The following PP2D1 variants were observed in gnomAD, a reference collection of about 807,000 sequenced individuals.
The protein encoded by PP2D1 is protein phosphatase 2C like domain containing 1, also known as protein phosphatase 2C-like domain-containing protein 1.
A neutral mutation model predicts 30.2 loss-of-function variants in PP2D1; 25 were observed. The ratio of observed to expected loss-of-function variants is 0.83; its 90% CI spans 0.60 to 1.16. PP2D1 has a LOEUF of 1.16. Ranked by LOEUF, PP2D1 falls within the 50% of genes most tolerant of loss-of-function variation. PP2D1 has a pLI of 0.00. For synonymous variants in PP2D1, 260 were observed against 258.9 expected (o/e 1.00, Z -0.04); for missense variants, 760 against 742.4 (o/e 1.02, Z -0.28).
downstream of PP2D1, among the ~76,000 whole-genome samples, chr3:19,983,367 GT>G (rs1553640240): frequency 7.3e-6 from 1 of 136,368 alleles, no homozygotes; most frequent in Non-Finnish European, 1.6e-5. Flanking sequence ...AAAAAAAGAA[GT>G]AATAATGAGT....
chr3:19,991,024 T>A lies in PP2D1; in HGVS notation c.1091-4842A>T, dbSNP rs1575084061. Among the ~76,000 whole-genome samples, 4 of 152,324 alleles carry A rather than the reference T, an allele frequency of 2.6e-5. No homozygotes were observed. The South Asian group carries it at 8.3e-4, about 32-fold the overall frequency. The stretch of plus-strand genomic sequence containing the variant: ...TGAAGACCACTACACAATTTTAATC[T>A]AAGCATAAATGAATTCCTAGACAAA... On this transcript the variant is annotated intron_variant, in intron 2 of 2. Transcript: ENST00000389050.
chr3:19,995,468 G>T (rs1051371269), intron 2 of PP2D1, among the ~76,000 whole-genome samples: 9 of 152,128 alleles, frequency 5.9e-5, no homozygotes, highest in Non-Finnish European at 1.5e-5. Flanking sequence ...CCTAGAAGAG[G>T]CATGGCCCTG....
chr3:20,009,887 C>G (rs769539454), intron 1 of PP2D1, among the ~76,000 whole-genome samples: 2 of 152,184 alleles, frequency 1.3e-5, no homozygotes, highest in Non-Finnish European at 2.9e-5. Context: ...TTACAAATGT[C>G]CACGTTATAA....
downstream of PP2D1, among the ~76,000 whole-genome samples, chr3:19,981,334 C>T (rs4618239): frequency 0.16 from 24,886 of 152,032 alleles, 2,683 homozygotes; most frequent in Non-Finnish European, 0.24. Flanking sequence ...TCAGGCTGGG[C>T]GCAGTGGCTC....
At position 19,986,312 on chromosome 3, in the gene PP2D1, T is replaced by C. The variant is rs981075846; in HGVS notation, c.1091-130A>G. 1.9e-5 allele frequency: 12 copies of C among 645,254 alleles called. No individual in the cohort carries two copies. In the African/African-American group the frequency reaches 2.0e-4, roughly 11 times the overall value. The allele number at this position is 645,254 out of a possible 1,614,324, so 40.0% of individuals were successfully genotyped here. ...GAAAGCAGGCTATGTAAAAGTACGT[T>C]TAAATATGTGTAATATATCACTACT... On this transcript the variant is annotated intron_variant, in intron 2 of 2. Transcript: ENST00000389050.
At chr3:19,981,742 T>C (rs202029197), downstream of PP2D1, among the ~76,000 whole-genome samples, 34 of 152,146 alleles carry the variant, frequency 2.2e-4, no homozygotes, top group East Asian at 6.4e-3. Flanking sequence ...GGAAGCACAC[T>C]CCAGAGAACA....
Position 19,985,889 on chromosome 3 carries a change from C to G in PP2D1, c.1384G>C (p.Asp462His). ...GCCAGGGCAGTAACTTCCTCTTTAT[C>G]CAAAACTTCCCAAAGTCCATTAGTA... ...VATNGLWEVL[D>H]KEEVTALAMT... Residue 462 changes from aspartate to histidine, a missense_variant, in exon 3 of 3, where the codon GAT becomes CAT. By Grantham distance (81) the Asp-to-His change is moderately conservative. Coordinates refer to ENST00000389050, the MANE Select transcript of PP2D1 (RefSeq NM_001252657.2). 6.5e-7 allele frequency: 1 copy of G among 1,536,384 alleles called. No homozygotes were observed. Among genetic ancestry groups the G allele is most frequent in the Non-Finnish European group, 8.7e-7 (1 of 1,146,944 alleles).
intron 1 of PP2D1, among the ~76,000 whole-genome samples, chr3:20,006,852 C>T (rs1180669777): frequency 6.6e-6 from 1 of 151,934 alleles, no homozygotes; most frequent in Non-Finnish European, 1.5e-5. Flanking sequence ...TCTGGGCTCA[C>T]TGCAACCTCT....
intron 2 of PP2D1, among the ~76,000 whole-genome samples, chr3:19,994,458 C>T (rs182730012): frequency 6.6e-6 from 1 of 152,178 alleles, no homozygotes; most frequent in African/African-American, 2.4e-5. Flanking sequence ...TAACAACACC[C>T]CATCTCTGCA....
downstream of PP2D1, chr3:19,983,915 CA>C (rs1696981896): frequency 2.4e-6 from 2 of 830,720 alleles, no homozygotes; most frequent in Non-Finnish European, 3.8e-6. Context: ...GTATGACTTC[CA>C]AAAGAAGAGA....
intron 2 of PP2D1, among the ~76,000 whole-genome samples, chr3:19,988,791 GA>G (rs1697077324): frequency 6.6e-6 from 1 of 152,116 alleles, no homozygotes; most frequent in African/African-American, 2.4e-5. Flanking sequence ...GACACTTAGG[GA>G]AATAGGAAAG....
At chr3:20,004,674 G>A (rs1320363905) in intron 1 of PP2D1, among the ~76,000 whole-genome samples, 2 of 152,076 alleles carry the variant, frequency 1.3e-5, no homozygotes, top group Non-Finnish European at 2.9e-5. Flanking sequence ...GAAACATCTA[G>A]TACTGTACTC....
intron 1 of PP2D1, among the ~76,000 whole-genome samples, chr3:20,009,995 C>G (rs1697365967): frequency 6.6e-6 from 1 of 151,956 alleles, no homozygotes; most frequent in African/African-American, 2.4e-5. Flanking sequence ...AAAATTACAC[C>G]AAAATAGAGT....
chr3:19,987,139 C>G (rs1056951937), intron 2 of PP2D1, among the ~76,000 whole-genome samples: 8 of 151,796 alleles, frequency 5.3e-5, no homozygotes, highest in Admixed American at 3.3e-4. Flanking sequence ...AAACTGAAAT[C>G]TTAAAAGTTG....
intron 1 of PP2D1, among the ~76,000 whole-genome samples, chr3:20,010,726 C>T (rs886620551): frequency 6.6e-6 from 1 of 152,028 alleles, no homozygotes; most frequent in Non-Finnish European, 1.5e-5. Flanking sequence ...TTGCTTGAAC[C>T]CAGGGGCGGA....
intron 2 of PP2D1, 81 bp from the exon 3 acceptor site, chr3:19,986,263 A>T (rs1350461161): frequency 9.4e-7 from 1 of 1,067,800 alleles, no homozygotes; most frequent in African/African-American, 1.6e-5. Context: ...AACTTTAGTA[A>T]ATTCTGTGTT....
rs766897282 is a variant in PP2D1, at chr3:19,985,841, T to C, written c.1432A>G (p.Lys478Glu). The C allele has an allele frequency of 1.8e-5, 28 of 1,536,262 alleles. No homozygotes were observed. Among genetic ancestry groups the C allele is most frequent in the Non-Finnish European group, 2.4e-5 (27 of 1,146,902 alleles). Reference sequence around the variant, plus strand: ...GGTATGATAGGACAGTATGTTTCTTTATACATGTGAAATGTTGTCATTGCC... The same window carrying C: ...GGTATGATAGGACAGTATGTTTCTTCATACATGTGAAATGTTGTCATTGCC... Reference protein sequence around the residue: ...ALAMTTFHMYKETYCPIIPNK... With the variant: ...ALAMTTFHMYEETYCPIIPNK... Residue 478 changes from lysine to glutamate, a missense_variant, in exon 3 of 3, where the codon AAA (lysine) becomes GAA (glutamate). By Grantham distance (56) the Lys-to-Glu change is moderately conservative. Coordinates refer to ENST00000389050, the MANE Select transcript of PP2D1 (RefSeq NM_001252657.2).
chr3:19,988,269 A>G (rs1697069070), intron 2 of PP2D1, among the ~76,000 whole-genome samples: 2 of 152,172 alleles, frequency 1.3e-5, no homozygotes, highest in South Asian at 4.1e-4. Context: ...TCTTTTTCTC[A>G]GCAAGGAACA....
At chr3:19,990,198 G>A (rs916681073) in intron 2 of PP2D1, among the ~76,000 whole-genome samples, 2 of 152,208 alleles carry the variant, frequency 1.3e-5, no homozygotes, top group African/African-American at 4.8e-5. Flanking sequence ...AGGCTGGAGT[G>A]CAGTGGCATG....
Sources: allele counts gnomAD v4.1 joint callset (sites outside exome capture counted in the v4.1 genomes callset), GRCh38; gene constraint gnomAD v4.1.1; transcripts MANE v1.5; gene names NCBI Gene and HGNC (gene_info 2026-07-23, HGNC 2026-07-21).